GOLGB1: variants seen among roughly 807,000 people sequenced by gnomAD.
GOLGB1 encodes golgin subfamily B member 1.
Under a neutral mutation model 336.9 loss-of-function variants are expected in GOLGB1, and 174 were observed. The observed-to-expected ratio is 0.52, with a 90% CI of 0.46 to 0.59. GOLGB1 has a LOEUF of 0.59. Ranked by LOEUF, GOLGB1 falls within the 20% of genes least tolerant of loss-of-function variation. The probability of loss-of-function intolerance (pLI) is 0.00; values close to 1 mark genes in which losing one functional copy is unlikely to be tolerated. For synonymous variants in GOLGB1, 1,208 were observed against 1,289.2 expected, an observed-to-expected ratio of 0.94 and a Z score of 1.35; for missense variants, 3,331 against 3,645.3, an observed-to-expected ratio of 0.91 and a Z score of 2.22.
chr3:121,672,710 C>G (rs951372668), intron 17 of GOLGB1, among the ~76,000 whole-genome samples: 4 of 152,216 alleles, frequency 2.6e-5, no homozygotes, highest in African/African-American at 9.6e-5. Context: ...TTGGCTAGAT[C>G]CATGTCCTGA....
In GOLGB1 at chr3:121,697,349, A is replaced by C; in HGVS notation, c.3174T>G (p.Ser1058=). Residue 1058 remains serine (S), a synonymous_variant, in exon 13 of 22, where the codon TCT becomes TCG. Coordinates refer to ENST00000614479, the MANE Select transcript of GOLGB1 (RefSeq NM_001366282.2). The part of the protein sequence containing the change: ...NKEYSEKCVT[S]KCQEIEIYLK... The stretch of plus-strand genomic sequence containing the variant: ...AATAAATTTCTATTTCTTGGCACTT[A>C]GAAGTCACACATTTTTCTGAGTATT... 6.2e-7 allele frequency: 1 copy of C among 1,613,770 alleles called. No individual in the cohort carries two copies. Among genetic ancestry groups the C allele is most frequent in the Middle Eastern group, 1.7e-4 (1 of 6,060 alleles).
intron 1 of GOLGB1, among the ~76,000 whole-genome samples, chr3:121,749,389 G>T (rs1472526447): frequency 6.6e-6 from 1 of 152,210 alleles, no homozygotes; most frequent in Admixed American, 6.5e-5. Context: ...TGAGCAAGTG[G>T]TCCAAGTCTG....
In GOLGB1 at chr3:121,691,758, C is replaced by T. The variant is rs2107785622; in HGVS notation, c.7606G>A (p.Ala2536Thr). The T allele has an allele frequency of 6.2e-7, 1 of 1,613,332 alleles. No individual in the cohort carries two copies. The highest frequency in any genetic ancestry group is 8.5e-7 in the Non-Finnish European group (1 of 1,179,356). The change falls in exon 14 of 22, where the codon GCA becomes ACA. Residue 2536 changes from alanine (A) to threonine (T), a missense_variant. By Grantham distance (58) the Ala-to-Thr change is moderately conservative. Coordinates refer to ENST00000614479, the MANE Select transcript of GOLGB1 (RefSeq NM_001366282.2). ...DLNSENAKLD[A>T]ELIQYREDLN... ...TCTTCTCTATATTGGATCAGTTCTG[C>T]ATCTAGCTTGGCATTCTCAGAATTG...
chr3:121,723,447 T>C (rs954248090), intron 5 of GOLGB1, among the ~76,000 whole-genome samples: 14 of 152,240 alleles, frequency 9.2e-5, no homozygotes, highest in Non-Finnish European at 1.6e-4. Context: ...AATTTAATCA[T>C]AACTAATAAT....
At chr3:121,747,321 G>A (rs112126833) in intron 1 of GOLGB1, among the ~76,000 whole-genome samples, 3 of 140,956 alleles carry the variant, frequency 2.1e-5, no homozygotes, top group Non-Finnish European at 3.1e-5. Flanking sequence ...ATGTATATAT[G>A]TGTATATACG....
In GOLGB1 at chr3:121,684,584, A is replaced by G. The variant is rs538499638; in HGVS notation, c.8695-2719T>C. Among the ~76,000 whole-genome samples, 4 of 152,338 alleles carry G rather than the reference A, an allele frequency of 2.6e-5. No homozygotes were observed. The East Asian group carries it at 7.7e-4, about 29-fold the overall frequency. ...AGAAACAGATCACATACAAAGGATC[A>G]GGAATCAGAATAGCTTTAGACTTGT... On this transcript the variant is annotated intron_variant, in intron 14 of 21. Transcript: ENST00000614479.
intron 10 of GOLGB1, among the ~76,000 whole-genome samples, chr3:121,711,269 T>C (rs535715348): frequency 8.6e-5 from 13 of 151,886 alleles, no homozygotes; most frequent in Admixed American, 8.5e-4. Flanking sequence ...AAGAATCACA[T>C]AGCCTAGAAA....
chr3:121,684,559 A>G (rs993305676), intron 14 of GOLGB1, among the ~76,000 whole-genome samples: 4 of 152,158 alleles, frequency 2.6e-5, no homozygotes, highest in Non-Finnish European at 4.4e-5. Flanking sequence ...AAGGGAAGTG[A>G]GAAACAGATC....
chr3:121,720,385 C>G (rs1358773000), intron 6 of GOLGB1, among the ~76,000 whole-genome samples: 1 of 152,180 alleles, frequency 6.6e-6, no homozygotes, highest in African/African-American at 2.4e-5. Flanking sequence ...TTAACTGGCT[C>G]TGAACAGAAT....
In GOLGB1 at chr3:121,727,218, T is replaced by C. The variant is rs533379478; in HGVS notation, c.403-177A>G. Among the ~76,000 whole-genome samples, 8 of 146,876 alleles carry C rather than the reference T, an allele frequency of 5.4e-5. No homozygotes were observed. The South Asian group carries it at 6.4e-4, about 12-fold the overall frequency. On this transcript the variant is annotated intron_variant, in intron 4 of 21. Coordinates refer to ENST00000614479, the MANE Select transcript of GOLGB1 (RefSeq NM_001366282.2). ...ATCTTAGGGTTGTCCAGTTTTTGTATGGCCAAGCAGTTCCTGTTAGACCTA... is the reference window on the plus strand; with the variant it reads ...ATCTTAGGGTTGTCCAGTTTTTGTACGGCCAAGCAGTTCCTGTTAGACCTA...
chr3:121,719,049 GTTCTAATTAA>G (rs1355305878), intron 7 of GOLGB1, among the ~76,000 whole-genome samples: 17 of 152,084 alleles, frequency 1.1e-4, no homozygotes, highest in African/African-American at 4.1e-4. Flanking sequence ...AAAAGTTTCC[GTTCTAATTAA>G]TTCTAATTAA....
intron 6 of GOLGB1, among the ~76,000 whole-genome samples, chr3:121,721,739 G>C (rs1435168065): frequency 6.6e-6 from 1 of 151,994 alleles, no homozygotes; most frequent in Non-Finnish European, 1.5e-5. Context: ...GAAAAAAATG[G>C]GAAGAAGAAT....
At chr3:121,727,320 A>ATATATATATATT (rs1365310516) in intron 4 of GOLGB1, among the ~76,000 whole-genome samples, 3 of 28,630 alleles carry the variant, frequency 1.0e-4, no homozygotes, top group Non-Finnish European at 1.8e-4. Context: ...ATATATATAT[A>ATATATATATATT]TTTTTTTTTT....
intron 14 of GOLGB1, among the ~76,000 whole-genome samples, chr3:121,683,060 T>TTTTTTTTTC (rs1941280027): frequency 1.0e-5 from 1 of 96,856 alleles, no homozygotes; most frequent in Non-Finnish European, 2.1e-5. Context: ...TTAATTTTTT[T>TTTTTTTTTC]TTTTTTTTTT....
chr3:121,683,811 T>C (rs1174076247), intron 14 of GOLGB1, among the ~76,000 whole-genome samples: 1 of 151,890 alleles, frequency 6.6e-6, no homozygotes, highest in Non-Finnish European at 1.5e-5. Context: ...AAAACAAAAC[T>C]ACCACCATTA....
chr3:121,712,130 A>G (rs1234871851), intron 10 of GOLGB1, among the ~76,000 whole-genome samples: 3 of 152,252 alleles, frequency 2.0e-5, no homozygotes, highest in Non-Finnish European at 1.5e-5. Context: ...ATAGATCAAT[A>G]TAACAGAACA....
chr3:121,743,936 A>G (rs1005578041), intron 1 of GOLGB1, among the ~76,000 whole-genome samples: 5 of 152,188 alleles, frequency 3.3e-5, no homozygotes, highest in African/African-American at 1.2e-4. Context: ...ACTGAAAAAT[A>G]TTATCACCAA....
rs765619874 is a variant in GOLGB1, at chr3:121,698,641, G to A, written c.1882C>T (p.Pro628Ser). 6.2e-7 allele frequency: 1 copy of A among 1,613,774 alleles called. No individual in the cohort carries two copies. The highest frequency in any genetic ancestry group is 1.3e-5 in the African/African-American group (1 of 74,990). ...VFLEDTGQDF[P>S]LMPNEESSLP... ...CTGCTCTCTTCATTTGGCATTAAGGGAAAATCTTGCCCTGTATCTTCAAGA... is the reference window on the plus strand; with the variant it reads ...CTGCTCTCTTCATTTGGCATTAAGGAAAAATCTTGCCCTGTATCTTCAAGA... Residue 628 changes from proline to serine, a missense_variant, in exon 13 of 22, where the codon CCC becomes TCC. By Grantham distance (74) the Pro-to-Ser change is moderately conservative. Coordinates refer to ENST00000614479, the MANE Select transcript of GOLGB1 (RefSeq NM_001366282.2).
At chr3:121,735,001 C>A (rs1452688179) in intron 1 of GOLGB1, among the ~76,000 whole-genome samples, 1 of 152,192 alleles carries the variant, frequency 6.6e-6, no homozygotes, top group African/African-American at 2.4e-5. Context: ...ATACTTAAAC[C>A]TAAAATGCCT....
Sources: allele counts gnomAD v4.1 joint callset (sites outside exome capture counted in the v4.1 genomes callset), GRCh38; gene constraint gnomAD v4.1.1; transcripts MANE v1.5; gene names NCBI Gene and HGNC (gene_info 2026-07-23, HGNC 2026-07-21).